The following COMMD10 variants were observed in gnomAD, a reference collection of about 807,000 sequenced individuals.
COMMD10 encodes the protein COMM domain-containing protein 10.
A neutral mutation model predicts 28.9 loss-of-function variants in COMMD10; 33 were observed. The ratio of observed to expected loss-of-function variants is 1.14; its 90% CI spans 0.87 to 1.53. COMMD10 has a LOEUF of 1.53. Ranked by LOEUF, COMMD10 falls within the 40% of genes most tolerant of loss-of-function variation. The probability of loss-of-function intolerance (pLI) is 0.00; values close to 1 mark genes in which losing one functional copy is unlikely to be tolerated. For missense variants in COMMD10, 310 were observed against 233.4 expected (o/e 1.33, Z -2.14); for synonymous variants, 110 against 81.7 (o/e 1.35, Z -1.87).
At chr5:116,187,624 A>G (rs1748184726) in intron 5 of COMMD10, among the ~76,000 whole-genome samples, 1 of 152,136 alleles carries the variant, frequency 6.6e-6, no homozygotes, top group Non-Finnish European at 1.5e-5. Context: ...TACTTCATAT[A>G]TTAACATTTA....
At chr5:116,268,590 C>T (rs1230414931) in intron 5 of COMMD10, among the ~76,000 whole-genome samples, 1 of 151,892 alleles carries the variant, frequency 6.6e-6, no homozygotes, top group Non-Finnish European at 1.5e-5. Context: ...ACCCAGCCAT[C>T]CCATTACTGG....
intron 5 of COMMD10, among the ~76,000 whole-genome samples, chr5:116,238,583 A>G (rs1272164056): frequency 6.6e-6 from 1 of 152,216 alleles, no homozygotes; most frequent in Non-Finnish European, 1.5e-5. Flanking sequence ...GACTAACAGT[A>G]TACTTCAACA....
intron 4 of COMMD10, among the ~76,000 whole-genome samples, chr5:116,111,805 A>C (rs1391626453): frequency 2.0e-5 from 3 of 152,116 alleles, no homozygotes; most frequent in African/African-American, 7.2e-5. Context: ...TCTGAAGTCC[A>C]ATTTAAGTCT....
intron 4 of COMMD10, among the ~76,000 whole-genome samples, chr5:116,093,057 C>T (rs905133551): frequency 5.3e-5 from 8 of 152,268 alleles, no homozygotes; most frequent in African/African-American, 1.9e-4. Flanking sequence ...TTGCTGAATA[C>T]ATATTGGTTT....
At chr5:116,090,152 A>C (rs1359754054) in intron 2 of COMMD10, among the ~76,000 whole-genome samples, 1 of 152,222 alleles carries the variant, frequency 6.6e-6, no homozygotes, top group African/African-American at 2.4e-5. Flanking sequence ...TGAGGGACTA[A>C]GACAACTTAG....
intron 4 of COMMD10, among the ~76,000 whole-genome samples, chr5:116,103,627 G>A (rs1750737398): frequency 6.6e-6 from 1 of 152,120 alleles, no homozygotes; most frequent in Admixed American, 6.5e-5. Flanking sequence ...TCACTCTGAT[G>A]GTAGTTTCTT....
At chr5:116,179,543 C>G (rs1361680648) in intron 5 of COMMD10, among the ~76,000 whole-genome samples, 1 of 151,960 alleles carries the variant, frequency 6.6e-6, no homozygotes, top group Non-Finnish European at 1.5e-5. Context: ...AAGAGCTGTT[C>G]CACAATGGAA....
At chr5:116,284,244 G>A (rs574642830) in intron 5 of COMMD10, among the ~76,000 whole-genome samples, 1 of 152,020 alleles carries the variant, frequency 6.6e-6, no homozygotes, top group South Asian at 2.1e-4. Flanking sequence ...GTTTCTGGAA[G>A]AATGGAGATG....
chr5:116,135,197 A>G (rs887821154), intron 5 of COMMD10, among the ~76,000 whole-genome samples: 2 of 152,208 alleles, frequency 1.3e-5, no homozygotes, highest in Non-Finnish European at 2.9e-5. Context: ...GTATTAGAGA[A>G]GATCTGAGGC....
chr5:116,179,901 A>C (rs1425223072), intron 5 of COMMD10, among the ~76,000 whole-genome samples: 1 of 152,078 alleles, frequency 6.6e-6, no homozygotes, highest in East Asian at 1.9e-4. Context: ...ATTGGACGAG[A>C]TGGCAGTTTT....
chr5:116,223,660 GA>G (rs1268089920), intron 5 of COMMD10, among the ~76,000 whole-genome samples: 2 of 152,180 alleles, frequency 1.3e-5, no homozygotes, highest in Non-Finnish European at 2.9e-5. Flanking sequence ...GAGAGGGACA[GA>G]AGGGGTTTGG....
chr5:116,266,028 G>C (rs539815103), intron 5 of COMMD10, among the ~76,000 whole-genome samples: 1 of 151,694 alleles, frequency 6.6e-6, no homozygotes, highest in Non-Finnish European at 1.5e-5. Flanking sequence ...CTCAGAAAGA[G>C]ATGTATTTCT....
chr5:116,124,415 T>G (rs1268787906), intron 4 of COMMD10, among the ~76,000 whole-genome samples: 2 of 152,224 alleles, frequency 1.3e-5, no homozygotes, highest in African/African-American at 4.8e-5. Context: ...CTAGTTTGAT[T>G]GCACTGTGGT....
chr5:116,204,884 C>A (rs749392161), intron 5 of COMMD10, among the ~76,000 whole-genome samples: 1 of 152,116 alleles, frequency 6.6e-6, no homozygotes, highest in Non-Finnish European at 1.5e-5. Flanking sequence ...CAATTTTAGA[C>A]AACACATGCT....
chr5:116,217,131 TACAA>T (rs1749124321), intron 5 of COMMD10, among the ~76,000 whole-genome samples: 1 of 147,582 alleles, frequency 6.8e-6, no homozygotes, highest in African/African-American at 2.5e-5. Flanking sequence ...ATTTGGAAAA[TACAA>T]ACAAGTATGA....
intron 5 of COMMD10, among the ~76,000 whole-genome samples, chr5:116,253,693 G>T (rs528501455): frequency 1.3e-5 from 2 of 148,256 alleles, no homozygotes; most frequent in Middle Eastern, 3.4e-3. Context: ...GCTGGATTTG[G>T]TTTGCCAGTA....
intron 5 of COMMD10, among the ~76,000 whole-genome samples, chr5:116,235,348 C>T (rs917489401): frequency 6.6e-6 from 1 of 152,170 alleles, no homozygotes; most frequent in Admixed American, 6.5e-5. Flanking sequence ...TTGCTTGTTA[C>T]ATTTCGAGTT....
intron 5 of COMMD10, among the ~76,000 whole-genome samples, chr5:116,236,456 A>T (rs1749664927): frequency 6.8e-6 from 1 of 148,078 alleles, no homozygotes; most frequent in African/African-American, 2.5e-5. Context: ...GTGTGCCGAG[A>T]TCACACTACT....
intron 5 of COMMD10, among the ~76,000 whole-genome samples, chr5:116,288,886 T>TC (rs1161845086): frequency 7.9e-6 from 1 of 127,328 alleles, no homozygotes; most frequent in Admixed American, 8.1e-5. Flanking sequence ...TTTTTTTTTT[T>TC]TTTTTTTTTT....
Sources: allele counts gnomAD v4.1 joint callset (sites outside exome capture counted in the v4.1 genomes callset), GRCh38; gene constraint gnomAD v4.1.1; transcripts MANE v1.5; gene names NCBI Gene and HGNC (gene_info 2026-07-23, HGNC 2026-07-21).